Variants in VRK2 observed in about 807,000 individuals in gnomAD.
The protein encoded by VRK2 is serine/threonine-protein kinase VRK2.
VRK2 carries 60 observed loss-of-function variants against 57.6 expected under a neutral mutation model. That is an observed-to-expected ratio of 1.04 (90% CI 0.85 to 1.29). The LOEUF (loss-of-function observed/expected upper bound fraction) is 1.29, where lower values mean the gene tolerates loss of function less well. Ranked by LOEUF, VRK2 falls within the 50% of genes most tolerant of loss-of-function variation. The pLI, the probability that VRK2 is intolerant of heterozygous loss-of-function variation, is 0.00. For synonymous variants in VRK2, 231 were observed against 199.2 expected (o/e 1.16, Z -1.35); for missense variants, 705 against 588.1 (o/e 1.20, Z -2.06).
At chr2:58,136,815 CATATATGTGTGTATATATATCAT>C in intron 10 of VRK2, among the ~76,000 whole-genome samples, 1 of 126,594 alleles carries the variant, frequency 7.9e-6, no homozygotes, top group South Asian at 2.5e-4. Flanking sequence ...GTATATATAT[CATATATGTGTGTATATATATCAT>C]ATATATTATA....
rs546564690 is a variant in VRK2, at chr2:58,007,828, A to T, written c.-438-17837A>T. Among the ~76,000 whole-genome samples the T allele has an allele frequency of 8.5e-5, 13 of 152,276 alleles. No homozygotes were observed. In the South Asian group the frequency reaches 2.1e-3, roughly 24 times the overall value. The stretch of plus-strand genomic sequence containing the variant: ...ATAAAATTTTAAAAAATCACTAAAG[A>T]CAGCTACTGATAATAAAAGTTTTCG... On this transcript the variant is annotated intron_variant, in intron 1 of 15. Transcript: ENST00000417641.
intron 1 of VRK2, among the ~76,000 whole-genome samples, chr2:58,015,162 A>C (rs890867603): frequency 6.6e-5 from 10 of 152,278 alleles, no homozygotes; most frequent in African/African-American, 2.2e-4. Context: ...AAGAACACCT[A>C]TTAAGTCCTC....
chr2:57,951,090 C>CAAAA (rs764826333), intron 1 of VRK2, among the ~76,000 whole-genome samples: 1 of 147,064 alleles, frequency 6.8e-6, no homozygotes. Context: ...GACTCCATCT[C>CAAAA]AAAAAAAAAA....
At chr2:58,090,400 C>CAAAAA (rs888066524) in intron 7 of VRK2, among the ~76,000 whole-genome samples, 2 of 49,332 alleles carry the variant, frequency 4.1e-5, no homozygotes, top group Non-Finnish European at 9.2e-5. Context: ...AACTCCATCT[C>CAAAAA]AAAAAAAAAA....
chr2:58,129,202 A>C (rs913706449), intron 8 of VRK2, among the ~76,000 whole-genome samples: 3 of 152,200 alleles, frequency 2.0e-5, no homozygotes, highest in Non-Finnish European at 4.4e-5. Context: ...GGACATCTGC[A>C]TGAAAATATA....
chr2:58,047,438 T>G, intron 1 of VRK2: 1 of 985,412 alleles, frequency 1.0e-6, no homozygotes, highest in Non-Finnish European at 1.2e-6. Flanking sequence ...GTCGTTTCCC[T>G]TGGCAGATGA....
chr2:58,080,639 G>C (rs1426867148), intron 2 of VRK2, among the ~76,000 whole-genome samples: 1 of 151,318 alleles, frequency 6.6e-6, no homozygotes, highest in Non-Finnish European at 1.5e-5. Flanking sequence ...TTTTTCCTGA[G>C]ATTTATTTGG....
chr2:57,932,026 G>C (rs2103933903), intron 1 of VRK2, among the ~76,000 whole-genome samples: 1 of 152,082 alleles, frequency 6.6e-6, no homozygotes, highest in East Asian at 1.9e-4. Flanking sequence ...CTATGGATTT[G>C]TAAATAATTT....
At chr2:58,106,376 TA>T (rs1674753443) in intron 7 of VRK2, among the ~76,000 whole-genome samples, 1 of 152,022 alleles carries the variant, frequency 6.6e-6, no homozygotes. Context: ...GATGTTTTGC[TA>T]AAAGAACCAG....
chr2:58,104,164 C>G (rs980345127), intron 7 of VRK2, among the ~76,000 whole-genome samples: 3 of 151,766 alleles, frequency 2.0e-5, no homozygotes, highest in Admixed American at 2.0e-4. Context: ...GACAAGAATG[C>G]CCACTTTTAC....
At chr2:58,037,259 G>A (rs10164499) in intron 3 of VRK2, among the ~76,000 whole-genome samples, 7,301 of 151,900 alleles carry the variant, frequency 0.048, 613 homozygotes, top group African/African-American at 0.17. Flanking sequence ...AAATGTACAC[G>A]GTCGCAGGTG....
intron 2 of VRK2, among the ~76,000 whole-genome samples, chr2:58,033,073 G>C (rs1396482124): frequency 6.6e-6 from 1 of 152,056 alleles, no homozygotes; most frequent in East Asian, 1.9e-4. Flanking sequence ...CAGACACTCA[G>C]TCTATAGCAT....
At chr2:57,921,971 T>A (rs1213390766) in intron 1 of VRK2, among the ~76,000 whole-genome samples, 1 of 152,106 alleles carries the variant, frequency 6.6e-6, no homozygotes, top group Admixed American at 6.6e-5. Flanking sequence ...GTCTGATTGT[T>A]TTGTTCCTCG....
At chr2:58,004,043 A>G (rs934632227) in intron 1 of VRK2, among the ~76,000 whole-genome samples, 2 of 152,128 alleles carry the variant, frequency 1.3e-5, no homozygotes, top group African/African-American at 4.8e-5. Context: ...CTTTAATTCA[A>G]AGATTAATAG....
intron 2 of VRK2, among the ~76,000 whole-genome samples, chr2:58,083,171 G>T (rs1164113407): frequency 6.6e-6 from 1 of 151,518 alleles, no homozygotes; most frequent in Non-Finnish European, 1.5e-5. Context: ...CTTTCCTTCA[G>T]ATATCATCCA....
At chr2:58,063,271 GAAC>G (rs1390812462) in intron 2 of VRK2, among the ~76,000 whole-genome samples, 1 of 145,726 alleles carries the variant, frequency 6.9e-6, no homozygotes, top group Non-Finnish European at 1.5e-5. Context: ...ATATGAGTGA[GAAC>G]AACTGTCCCT....
At chr2:58,098,665 T>C (rs79025991) in intron 7 of VRK2, among the ~76,000 whole-genome samples, 1,786 of 152,150 alleles carry the variant, frequency 0.012, 37 homozygotes, top group African/African-American at 0.041. Context: ...GGCTGTACTA[T>C]CAGGGGTTGT....
At chr2:58,135,319 G>A in intron 10 of VRK2, 120 bp downstream of exon 10, 2 of 979,622 alleles carry the variant, frequency 2.0e-6, no homozygotes, top group Non-Finnish European at 3.1e-6. Flanking sequence ...TGGGAAGGAG[G>A]GAACTCTTCA....
chr2:57,967,202 C>T (rs1410343051), intron 1 of VRK2, among the ~76,000 whole-genome samples: 1 of 152,092 alleles, frequency 6.6e-6, no homozygotes, highest in African/African-American at 2.4e-5. Context: ...GAGAGGGGAA[C>T]ATCACACACT....
Sources: allele counts gnomAD v4.1 joint callset (sites outside exome capture counted in the v4.1 genomes callset), GRCh38; gene constraint gnomAD v4.1.1; transcripts MANE v1.5; gene names NCBI Gene and HGNC (gene_info 2026-07-23, HGNC 2026-07-21).